The following NRXN3 variants were observed in gnomAD, a reference collection of about 807,000 sequenced individuals.
The protein encoded by NRXN3 is neurexin III.
NRXN3 carries 32 observed loss-of-function variants against 137.6 expected under a neutral mutation model. The observed-to-expected ratio is 0.23, with a 90% CI of 0.18 to 0.31. The LOEUF (loss-of-function observed/expected upper bound fraction) is 0.31. NRXN3 is among the 10% of genes least tolerant of loss of function. NRXN3 has a pLI of 1.00. For synonymous variants in NRXN3, 798 were observed against 784.5 expected (o/e 1.02, Z -0.29); for missense variants, 1,574 against 2,062.5 (o/e 0.76, Z 4.59).
rs1034692261 is a variant in NRXN3 at position 79,308,799 on chromosome 14, T to C, written c.3263-158422T>C. ...AATTATTAAGAATATGCACTGAATG[T>C]GTACAACAGCCAGTGTTTGTTCCTC... is the stretch of plus-strand genomic sequence containing the variant. On this transcript the variant is annotated intron_variant, in intron 15 of 20. Coordinates refer to ENST00000335750, the MANE Select transcript of NRXN3 (RefSeq NM_001330195.2). 1.1e-4 allele frequency among the ~76,000 whole-genome samples: 17 copies of C among 149,560 alleles called. No individual in the cohort carries two copies. The South Asian group carries it at 1.7e-3, about 15-fold the overall frequency.
chr14:78,782,948 G>T (rs936498213), intron 8 of NRXN3, among the ~76,000 whole-genome samples: 2 of 152,140 alleles, frequency 1.3e-5, no homozygotes, highest in African/African-American at 4.8e-5. Flanking sequence ...CATAAATGTA[G>T]GAGGAAACAG....
At chr14:78,756,916 G>A (rs183058388) in intron 8 of NRXN3, among the ~76,000 whole-genome samples, 8 of 152,286 alleles carry the variant, frequency 5.3e-5, no homozygotes, top group African/African-American at 1.4e-4. Context: ...AAGGGAAAGC[G>A]AATGCTGTTT....
chr14:78,570,860 G>C (rs1374080352), intron 4 of NRXN3, among the ~76,000 whole-genome samples: 1 of 152,174 alleles, frequency 6.6e-6, no homozygotes, highest in Non-Finnish European at 1.5e-5. Context: ...GGGAGACAGG[G>C]CCCTCATTCC....
At chr14:78,485,360 G>A (rs867656892) in intron 4 of NRXN3, among the ~76,000 whole-genome samples, 1 of 152,176 alleles carries the variant, frequency 6.6e-6, no homozygotes, top group Non-Finnish European at 1.5e-5. Flanking sequence ...CTGCTGGTAA[G>A]TTATCTACCT....
intron 4 of NRXN3, among the ~76,000 whole-genome samples, chr14:78,476,902 T>C (rs1009669615): frequency 2.0e-5 from 3 of 152,216 alleles, no homozygotes; most frequent in African/African-American, 7.2e-5. Context: ...GAAATGTTTC[T>C]TTTTGGGCTC....
chr14:78,859,531 C>A (rs1484317481), intron 10 of NRXN3, among the ~76,000 whole-genome samples: 1 of 151,992 alleles, frequency 6.6e-6, no homozygotes, highest in Non-Finnish European at 1.5e-5. Context: ...TATAACAGAA[C>A]AGCAAAAAAT....
chr14:79,446,596 T>C (rs189733581), intron 15 of NRXN3, among the ~76,000 whole-genome samples: 96 of 152,228 alleles, frequency 6.3e-4, no homozygotes, highest in Admixed American at 6.0e-3. Context: ...ACAGTTCTTA[T>C]AAGGTACCTA....
At chr14:79,326,420 A>G (rs996937324) in intron 15 of NRXN3, among the ~76,000 whole-genome samples, 3 of 152,202 alleles carry the variant, frequency 2.0e-5, no homozygotes, top group African/African-American at 7.2e-5. Flanking sequence ...GTAAAGAAGC[A>G]AGGCTAGAAA....
chr14:78,861,890 C>T (rs947629518), intron 10 of NRXN3, among the ~76,000 whole-genome samples: 1 of 152,118 alleles, frequency 6.6e-6, no homozygotes, highest in Non-Finnish European at 1.5e-5. Context: ...GACATAGTTG[C>T]TTCTCCATCT....
At chr14:79,003,889 G>A (rs987026654) in intron 15 of NRXN3, among the ~76,000 whole-genome samples, 23 of 152,100 alleles carry the variant, frequency 1.5e-4, no homozygotes, top group African/African-American at 5.1e-4. Flanking sequence ...GAATCCTGTG[G>A]GCTCTGTGAA....
intron 15 of NRXN3, among the ~76,000 whole-genome samples, chr14:79,165,123 G>A (rs2061166217): frequency 6.6e-6 from 1 of 151,894 alleles, no homozygotes; most frequent in South Asian, 2.1e-4. Flanking sequence ...AGTTGCAAAT[G>A]GTTATTGCCT....
intron 9 of NRXN3, among the ~76,000 whole-genome samples, chr14:78,805,095 C>T (rs150945944): frequency 0.02 from 3,052 of 152,172 alleles, 53 homozygotes; most frequent in Middle Eastern, 0.041. Flanking sequence ...TTGGAAAATG[C>T]CTACATCATA....
At chr14:78,707,777 T>C (rs554796653) in intron 6 of NRXN3, among the ~76,000 whole-genome samples, 1 of 152,314 alleles carries the variant, frequency 6.6e-6, no homozygotes, top group South Asian at 2.1e-4. Flanking sequence ...ATAGCTTAGC[T>C]CCCACATATC....
At chr14:79,098,304 A>C (rs1262409034) in intron 15 of NRXN3, among the ~76,000 whole-genome samples, 1 of 152,208 alleles carries the variant, frequency 6.6e-6, no homozygotes, top group Non-Finnish European at 1.5e-5. Context: ...CCAGTTCCTT[A>C]AAAATATATG....
intron 6 of NRXN3, among the ~76,000 whole-genome samples, chr14:78,667,592 T>C (rs2097897893): frequency 6.6e-6 from 1 of 152,188 alleles, no homozygotes; most frequent in South Asian, 2.1e-4. Flanking sequence ...AAGTTGCTGT[T>C]TCTCCTTATT....
chr14:79,172,642 G>A (rs992627778), intron 15 of NRXN3, among the ~76,000 whole-genome samples: 5 of 152,250 alleles, frequency 3.3e-5, no homozygotes, highest in East Asian at 1.9e-4. Flanking sequence ...GGTTTTGAGT[G>A]GTGACAATTT....
At chr14:79,103,551 A>G (rs969928203) in intron 15 of NRXN3, among the ~76,000 whole-genome samples, 1 of 152,078 alleles carries the variant, frequency 6.6e-6, no homozygotes, top group African/African-American at 2.4e-5. Context: ...TTCGGGAGGG[A>G]AGTTGGGGCC....
At chr14:78,542,951 G>T (rs2096605125) in intron 4 of NRXN3, among the ~76,000 whole-genome samples, 1 of 152,108 alleles carries the variant, frequency 6.6e-6, no homozygotes, top group Non-Finnish European at 1.5e-5. Flanking sequence ...TTTGAGACAG[G>T]GTGGGTAGGA....
At chr14:79,249,745 GATCT>G (rs2075685032) in intron 15 of NRXN3, among the ~76,000 whole-genome samples, 1 of 152,160 alleles carries the variant, frequency 6.6e-6, no homozygotes, top group Non-Finnish European at 1.5e-5. Context: ...CTTATGATGT[GATCT>G]ATACAGCTTA....
Sources: allele counts gnomAD v4.1 joint callset (sites outside exome capture counted in the v4.1 genomes callset), GRCh38; gene constraint gnomAD v4.1.1; transcripts MANE v1.5; gene names NCBI Gene and HGNC (gene_info 2026-07-23, HGNC 2026-07-21).